The following SLC8B1 variants were observed in gnomAD, a reference collection of about 807,000 sequenced individuals.
The protein encoded by SLC8B1 is solute carrier family 8 member B1, also known as mitochondrial sodium/calcium exchanger protein.
Under a neutral mutation model 63.4 loss-of-function variants are expected in SLC8B1, and 52 were observed. The ratio of observed to expected loss-of-function variants is 0.82; its 90% CI spans 0.66 to 1.03. SLC8B1 has a LOEUF of 1.03. Ranked by LOEUF, SLC8B1 falls within the 50% of genes least tolerant of loss-of-function variation. SLC8B1 has a pLI of 0.00. For missense variants in SLC8B1, 657 were observed against 741.7 expected (o/e 0.89, Z 1.33); for synonymous variants, 336 against 323.9 (o/e 1.04, Z -0.40).
chr12:113,304,827 C>T (rs1230682270), intron 14 of SLC8B1, among the ~76,000 whole-genome samples: 1 of 152,134 alleles, frequency 6.6e-6, no homozygotes, highest in East Asian at 1.9e-4. Flanking sequence ...AATCTCAAAT[C>T]ACTGGACTCA....
Position 113,307,717 on chromosome 12 carries a change from A to G in SLC8B1, c.1385T>C (p.Leu462Pro). The change falls in exon 13 of 16, where the codon CTG (leucine) becomes CCG (proline). Residue 462 changes from leucine (L) to proline (P), a missense_variant. By Grantham distance (98) the Leu-to-Pro change is moderately conservative. Coordinates refer to ENST00000680972, the MANE Select transcript of SLC8B1 (RefSeq NM_001358345.2). The part of the protein sequence containing the change: ...RLSNTVLGLT[L>P]LAWGNSIGDA... ...TCCAATGCTGTTCCCCCAGGCCAGC[A>G]GCGTGAGCCCCAGCACAGTGTTGCT... 6.2e-7 allele frequency: 1 copy of G among 1,614,094 alleles called. No individual in the cohort carries two copies. Among genetic ancestry groups the G allele is most frequent in the Non-Finnish European group, 8.5e-7 (1 of 1,180,012 alleles).
chr12:113,334,096 GA>G (rs1323272207), intron 1 of SLC8B1, among the ~76,000 whole-genome samples: 3 of 152,198 alleles, frequency 2.0e-5, no homozygotes, highest in Admixed American at 2.0e-4. Context: ...GGGCAAGAAG[GA>G]AGTTGAGTTG....
At chr12:113,321,511 C>T (rs1320610052) in intron 2 of SLC8B1, among the ~76,000 whole-genome samples, 163 bp from the exon 3 acceptor site, 1 of 152,056 alleles carries the variant, frequency 6.6e-6, no homozygotes, top group Non-Finnish European at 1.5e-5. Flanking sequence ...TAAAAATAAA[C>T]GTCTGCTTGA....
chr12:113,306,211 CT>C (rs1366624149), intron 14 of SLC8B1, among the ~76,000 whole-genome samples: 1 of 152,032 alleles, frequency 6.6e-6, no homozygotes, highest in Non-Finnish European at 1.5e-5. Context: ...CTATGGGCAC[CT>C]GCTTATCACA....
chr12:113,312,271 T>C (rs1956774736), intron 11 of SLC8B1, among the ~76,000 whole-genome samples: 1 of 151,898 alleles, frequency 6.6e-6, no homozygotes, highest in Non-Finnish European at 1.5e-5. Flanking sequence ...TCATCAGTAC[T>C]AAAAATACAA....
At chr12:113,328,581 T>G (rs1593261366) in intron 2 of SLC8B1, among the ~76,000 whole-genome samples, 1 of 152,150 alleles carries the variant, frequency 6.6e-6, no homozygotes, top group Admixed American at 6.6e-5. Context: ...GCCCAGACCC[T>G]CCTGGCATTG....
At position 113,310,367 on chromosome 12, in the gene SLC8B1, G is replaced by C; in HGVS notation, c.1136-12C>G. ...CTCATAGACACCATCTGCAAAGGGA[G>C]AGAAAGGGAGCTGATACCTTCCCAG... On this transcript the variant is annotated splice_polypyrimidine_tract_variant and intron_variant, in intron 11 of 15. Coordinates refer to ENST00000680972, the MANE Select transcript of SLC8B1 (RefSeq NM_001358345.2). The C allele has an allele frequency of 6.2e-7, 1 of 1,610,664 alleles. No individual in the cohort carries two copies. Among genetic ancestry groups the C allele is most frequent in the Non-Finnish European group, 8.5e-7 (1 of 1,178,906 alleles).
At position 113,327,834 on chromosome 12, in the gene SLC8B1, C is replaced by T. The variant is rs1418243187; in HGVS notation, c.156+4889G>A. Reference sequence around the variant, plus strand: ...CATCTCTACTAAAAATACAAAAAGCCGGGCATGGTGGCAGATGTCTGTAAT... The same window carrying T: ...CATCTCTACTAAAAATACAAAAAGCTGGGCATGGTGGCAGATGTCTGTAAT... On this transcript the variant is annotated intron_variant, in intron 2 of 15. Coordinates refer to ENST00000680972, the MANE Select transcript of SLC8B1 (RefSeq NM_001358345.2). 3.3e-5 allele frequency among the ~76,000 whole-genome samples: 5 copies of T among 151,876 alleles called. No homozygotes were observed. In the East Asian group the frequency reaches 7.8e-4, roughly 24 times the overall value.
Position 113,320,460 on chromosome 12 carries a change from T to C in SLC8B1, c.565A>G (p.Ile189Val). 6 of 1,614,128 alleles carry C rather than the reference T, an allele frequency of 3.7e-6. No individual in the cohort carries two copies. The highest frequency in any genetic ancestry group is 5.1e-6 in the Non-Finnish European group (6 of 1,179,988). The change falls in exon 7 of 16, where the codon ATT becomes GTT. Residue 189 changes from isoleucine (I) to valine (V), a missense_variant. Ile to Val is a conservative substitution (Grantham distance 29, BLOSUM62 3). Transcript: ENST00000680972. The surrounding 1 kb of genome is among the most constrained non-coding windows in gnomAD (Gnocchi z 5.3). ...GCCATGAAGGGGTGTAGGATGGTAATGCCTCCGGCCACCACTGTGGTAACC... is the reference window on the plus strand; with the variant it reads ...GCCATGAAGGGGTGTAGGATGGTAACGCCTCCGGCCACCACTGTGGTAACC... ...VLVTTVVAGG[I>V]TILHPFMAAS...
chr12:113,303,015 A>G (rs1317551168), intron 15 of SLC8B1, among the ~76,000 whole-genome samples: 2 of 151,792 alleles, frequency 1.3e-5, no homozygotes, highest in East Asian at 3.9e-4. Flanking sequence ...ACGCGCACAC[A>G]CACACACACA....
At chr12:113,303,086 A>ACACACT (rs1491052315) in intron 15 of SLC8B1, among the ~76,000 whole-genome samples, 1 of 148,180 alleles carries the variant, frequency 6.7e-6, no homozygotes, top group Non-Finnish European at 1.5e-5. Flanking sequence ...ACACACACAC[A>ACACACT]CTTCCTAAAC....
Position 113,332,812 on chromosome 12 carries a change from T to C in SLC8B1, c.67A>G (p.Thr23Ala). The change falls in exon 2 of 16, where the codon ACA (threonine) becomes GCA (alanine). Residue 23 changes from threonine (T) to alanine (A), a missense_variant. Coordinates refer to ENST00000680972, the MANE Select transcript of SLC8B1 (RefSeq NM_001358345.2). ...SVLCVLLMAE[T>A]VSGTRGSSTG... is the part of the protein sequence containing the mutation. ...GACGAGCCCCTAGTCCCAGACACTG[T>C]CTCCGCCATTAGCAGCACACAAAGC... The C allele has an allele frequency of 1.2e-6, 2 of 1,614,150 alleles. No homozygotes were observed. The highest frequency in any genetic ancestry group is 1.3e-5 in the African/African-American group (1 of 75,060).
At chr12:113,321,391 C>T (rs187993677) in intron 2 of SLC8B1, 43 bp from the exon 3 acceptor site, 24 of 1,613,616 alleles carry the variant, frequency 1.5e-5, no homozygotes, top group Non-Finnish European at 6.8e-6. Flanking sequence ...CAGAGACTTC[C>T]CTGAGAACTA....
chr12:113,320,616 G>A lies in SLC8B1; in HGVS notation c.491C>T (p.Pro164Leu), dbSNP rs1956911943. 1.9e-6 allele frequency: 3 copies of A among 1,614,064 alleles called. No homozygotes were observed. Among genetic ancestry groups the A allele is most frequent in the Non-Finnish European group, 2.5e-6 (3 of 1,180,018 alleles). The part of the protein sequence containing the change: ...IFSALVAFSD[P>L]HTAGLALGAL... ...CCCAAGGGCCAGGCCGGCTGTGTGC[G>A]GGTCAGAGAAGGCCACCAGGGCACT... The change falls in exon 6 of 16, where the codon CCG becomes CTG. Residue 164 changes from proline to leucine, a missense_variant. Transcript: ENST00000680972. The surrounding 1 kb of genome is among the most constrained non-coding windows in gnomAD (Gnocchi z 5.3).
intron 2 of SLC8B1, among the ~76,000 whole-genome samples, chr12:113,324,172 G>A (rs1012570674): frequency 6.6e-6 from 1 of 151,970 alleles, no homozygotes; most frequent in African/African-American, 2.4e-5. Flanking sequence ...AATGAGCCAG[G>A]CATGGTGGCA....
At chr12:113,321,490 A>C in intron 2 of SLC8B1, 142 bp from the exon 3 acceptor site, 1 of 957,506 alleles carries the variant, frequency 1.0e-6, no homozygotes, top group Non-Finnish European at 1.6e-6. Context: ...CTATGGATGC[A>C]CTTTTAATTT....
In SLC8B1 at chr12:113,318,817, G is replaced by A. The variant is rs549815204; in HGVS notation, c.802+147C>T. On this transcript the variant is annotated intron_variant, in intron 8 of 15. Transcript: ENST00000680972. ...TGGGTACCAGTGGAAGCACGGAGGC[G>A]GGACCTCAGCAGAATGAGTAGAAAG... 2.6e-5 allele frequency: 16 copies of A among 607,646 alleles called. No individual in the cohort carries two copies. The Middle Eastern group carries it at 1.4e-3, about 52-fold the overall frequency. 37.6% of individuals were successfully genotyped at this position (607,646 alleles called of 1,614,324 possible).
chr12:113,319,437 G>A (rs776748285), intron 7 of SLC8B1: 7 of 225,484 alleles, frequency 3.1e-5, no homozygotes, highest in South Asian at 5.4e-5. Flanking sequence ...CAGAAGCAGC[G>A]GGAGAGACTC....
chr12:113,310,088 T>A, intron 12 of SLC8B1, 146 bp downstream of exon 12: 1 of 1,080,840 alleles, frequency 9.3e-7, no homozygotes, highest in Non-Finnish European at 1.3e-6. Flanking sequence ...ACAAACACTC[T>A]CAAAAGCAGC....
Sources: allele counts gnomAD v4.1 joint callset (sites outside exome capture counted in the v4.1 genomes callset), GRCh38; gene constraint gnomAD v4.1.1; non-coding constraint Gnocchi (gnomAD v3.1); transcripts MANE v1.5; gene names NCBI Gene and HGNC (gene_info 2026-07-23, HGNC 2026-07-21).